Variants in CFAP418 observed in about 807,000 individuals in gnomAD.
CFAP418 encodes the protein cilia- and flagella-associated protein 418.
A neutral mutation model predicts 24.7 loss-of-function variants in CFAP418; 27 were observed. The ratio of observed to expected loss-of-function variants is 1.09; its 90% confidence interval spans 0.81 to 1.51. CFAP418 has a LOEUF of 1.51. CFAP418 is among the 40% of genes most tolerant of loss of function. CFAP418 has a pLI of 0.00. For missense variants in CFAP418, 257 were observed against 255.2 expected (o/e 1.01, Z -0.05); for synonymous variants, 74 against 87.3 (o/e 0.85, Z 0.85).
chr8:95,251,871 T>A (rs1811714651), intron 5 of CFAP418, among the ~76,000 whole-genome samples: 1 of 152,172 alleles, frequency 6.6e-6, no homozygotes, highest in Admixed American at 6.5e-5. Flanking sequence ...GTTCCAAGGC[T>A]ACAAACCTCT....
chr8:95,268,884 G>C (rs994797826), intron 1 of CFAP418, 151 bp downstream of exon 1: 9 of 801,674 alleles, frequency 1.1e-5, no homozygotes, highest in Admixed American at 2.4e-5. Context: ...ATGCGCTGCC[G>C]CGGAGGGTAG....
chr8:95,252,498 A>T (rs553410569), intron 4 of CFAP418, among the ~76,000 whole-genome samples: 4 of 152,354 alleles, frequency 2.6e-5, no homozygotes, highest in Admixed American at 1.3e-4. Flanking sequence ...TACCTATTTT[A>T]CTATGATCTT....
Position 95,252,246 on chromosome 8 carries a change from A to G in CFAP418, c.412T>C (p.Leu138=), listed in dbSNP as rs1811720589. The part of the protein sequence containing the change: ...DHLRCIACDF[L]VVSYDDYMWD... ...ATATAGTCATCATAGCTGACTACCA[A>G]GAAATCACAGGCTATACAACGCAGA... Residue 138 remains leucine, a synonymous_variant, in exon 5 of 6, where the codon TTG becomes CTG. Transcript: ENST00000286688. 1.2e-6 allele frequency: 2 copies of G among 1,614,020 alleles called. No homozygotes were observed. The highest frequency in any genetic ancestry group is 1.7e-6 in the Non-Finnish European group (2 of 1,179,926).
intron 4 of CFAP418, among the ~76,000 whole-genome samples, chr8:95,253,373 T>C (rs1311080099): frequency 6.6e-6 from 1 of 152,176 alleles, no homozygotes; most frequent in African/African-American, 2.4e-5. Flanking sequence ...CCTGGTTGCA[T>C]CAGGAGTGGT....
At chr8:95,264,768 T>G (rs1811947838) in intron 1 of CFAP418, among the ~76,000 whole-genome samples, 1 of 152,170 alleles carries the variant, frequency 6.6e-6, no homozygotes, top group African/African-American at 2.4e-5. Flanking sequence ...GTAAAATAAT[T>G]TAACCTGATA....
intron 4 of CFAP418, among the ~76,000 whole-genome samples, chr8:95,256,860 G>A (rs78011378): frequency 0.017 from 2,526 of 152,288 alleles, 44 homozygotes; most frequent in Non-Finnish European, 0.019. Flanking sequence ...TAAGTGGAAA[G>A]TACAGAATGA....
At chr8:95,265,851 CTCTTTTTGG>C (rs1475664891) in intron 1 of CFAP418, among the ~76,000 whole-genome samples, 1 of 152,154 alleles carries the variant, frequency 6.6e-6, no homozygotes, top group Non-Finnish European at 1.5e-5. Context: ...CTGTATAAGA[CTCTTTTTGG>C]TCTTTTGATG....
intron 4 of CFAP418, among the ~76,000 whole-genome samples, chr8:95,256,906 G>A (rs533890818): frequency 3.3e-5 from 5 of 152,240 alleles, no homozygotes; most frequent in South Asian, 2.1e-4. Context: ...TCTGACCCAG[G>A]CTTTAATTGG....
chr8:95,247,569 G>A lies in CFAP418; in HGVS notation c.*48C>T. Reference sequence around the variant, plus strand: ...TTGTCTAAACATGATGATGATTCATGGAGACCACTCTCATGGATGCATCTG... The same window carrying A: ...TTGTCTAAACATGATGATGATTCATAGAGACCACTCTCATGGATGCATCTG... On this transcript the variant is annotated 3_prime_UTR_variant, in exon 6 of 6. Coordinates refer to ENST00000286688, the MANE Select transcript of CFAP418 (RefSeq NM_177965.4). The A allele has an allele frequency of 6.2e-7, 1 of 1,607,494 alleles. No homozygotes were observed. Among genetic ancestry groups the A allele is most frequent in the South Asian group, 1.1e-5 (1 of 90,866 alleles).
chr8:95,256,188 T>G (rs1811787121), intron 4 of CFAP418, among the ~76,000 whole-genome samples: 1 of 133,826 alleles, frequency 7.5e-6, no homozygotes, highest in African/African-American at 2.6e-5. Flanking sequence ...AAAATCTTAA[T>G]GAAATGTTTA....
At chr8:95,259,731 C>G in intron 4 of CFAP418, 109 bp downstream of exon 4, 1 of 793,652 alleles carries the variant, frequency 1.3e-6, no homozygotes, top group Non-Finnish European at 2.1e-6. Flanking sequence ...ATAAAAATAC[C>G]TCTCCTTATA....
At chr8:95,268,841 A>C (rs1157981322) in intron 1 of CFAP418, 194 bp downstream of exon 1, 2 of 579,742 alleles carry the variant, frequency 3.4e-6, no homozygotes, top group Non-Finnish European at 6.0e-6. Flanking sequence ...CGCTGAGTGA[A>C]GAGGTGCCAG....
intron 2 of CFAP418, 22 bp from the exon 3 acceptor site, chr8:95,260,554 A>G (rs370010898): frequency 6.7e-7 from 1 of 1,484,414 alleles, no homozygotes; most frequent in African/African-American, 1.4e-5. Flanking sequence ...GCAAAACAAT[A>G]AAAGGCCATG....
rs73266470 is a variant in CFAP418 at position 95,248,410 on chromosome 8, T to C, written c.471-640A>G. 7.5e-3 allele frequency among the ~76,000 whole-genome samples: 1,147 copies of C among 152,276 alleles called. 20 individuals carry two copies. The highest frequency in any genetic ancestry group is 0.026 in the African/African-American group (1,086 of 41,556). On this transcript the variant is annotated intron_variant, in intron 5 of 5. Coordinates refer to ENST00000286688, the MANE Select transcript of CFAP418 (RefSeq NM_177965.4). ...ATTTCCTACCTCAGATACTCACCTA[T>C]GCCATATTTTAAAAGCCTGTAATAT...
In CFAP418 at chr8:95,252,781, T is replaced by C. The variant is rs143253631; in HGVS notation, c.375-498A>G. On this transcript the variant is annotated intron_variant, in intron 4 of 5. Transcript: ENST00000286688. ...CTCACAACTTGGCATAATGCATTCA[T>C]TCACTCAAAAAATATTTATTGAGAG... Among the ~76,000 whole-genome samples, 516 of 152,320 alleles carry C rather than the reference T, an allele frequency of 3.4e-3. 7 individuals are homozygous for C. Among genetic ancestry groups the C allele is most frequent in the African/African-American group, 0.012 (492 of 41,572 alleles).
intron 5 of CFAP418, among the ~76,000 whole-genome samples, chr8:95,250,827 T>A (rs1811694757): frequency 6.6e-6 from 1 of 152,178 alleles, no homozygotes; most frequent in African/African-American, 2.4e-5. Context: ...TGAGGGGCAT[T>A]CAAAGCTTTC....
chr8:95,257,876 A>C (rs541298531), intron 4 of CFAP418, among the ~76,000 whole-genome samples: 1 of 152,296 alleles, frequency 6.6e-6, no homozygotes, highest in Admixed American at 6.5e-5. Context: ...TAACTGTAAA[A>C]CAGCCTCAGG....
rs375314973 is a variant in CFAP418 at position 95,247,708 on chromosome 8, G to A, written c.533C>T (p.Ala178Val). ...AKLIKKKGTR[A>V]YACQCSWRTI... is the part of the protein sequence containing the mutation. The stretch of plus-strand genomic sequence containing the variant: ...TCTCCAGCTACACTGGCAGGCATAT[G>A]CCCGTGTTCCTTTCTTCTTTATCAA... Residue 178 changes from alanine to valine, a missense_variant, in exon 6 of 6, where the codon GCA becomes GTA. Coordinates refer to ENST00000286688, the MANE Select transcript of CFAP418 (RefSeq NM_177965.4). 8.4e-5 allele frequency: 136 copies of A among 1,613,680 alleles called. No individual in the cohort carries two copies. In the South Asian group the frequency reaches 8.8e-4, roughly 10 times the overall value.
chr8:95,252,976 CAA>C (rs1220715907), intron 4 of CFAP418, among the ~76,000 whole-genome samples: 1 of 152,140 alleles, frequency 6.6e-6, no homozygotes, highest in African/African-American at 2.4e-5. Flanking sequence ...ACGACCCCCA[CAA>C]AAAATTCCTA....
Sources: gnomAD v4.1 joint callset for allele counts (sites outside exome capture counted in the v4.1 genomes callset) on GRCh38, gnomAD v4.1.1 for gene constraint, MANE v1.5 for transcripts, NCBI Gene and HGNC (gene_info 2026-07-23, HGNC 2026-07-21) for gene names.